Variants in TIPRL observed in about 807,000 individuals in gnomAD.
TIPRL encodes TOR signaling pathway regulator, also known as TIP41-like protein.
A neutral mutation model predicts 32.3 loss-of-function variants in TIPRL; 10 were observed. The observed-to-expected ratio is 0.31, with a 90% CI of 0.19 to 0.52. The LOEUF (loss-of-function observed/expected upper bound fraction) is 0.52. Ranked by LOEUF, TIPRL falls within the 20% of genes least tolerant of loss-of-function variation. The pLI, the probability that TIPRL is intolerant of heterozygous loss-of-function variation, is 0.96. For missense variants in TIPRL, 250 were observed against 328.1 expected (o/e 0.76, Z 1.84); for synonymous variants, 100 against 114.0 (o/e 0.88, Z 0.78).
intron 3 of TIPRL, among the ~76,000 whole-genome samples, chr1:168,186,155 T>C (rs1378889569): frequency 1.3e-5 from 2 of 150,626 alleles, no homozygotes; most frequent in Admixed American, 6.6e-5. Context: ...GTAGGTCTTA[T>C]ATTGTGAAGT....
At chr1:168,185,531 G>C (rs1700014926) in intron 3 of TIPRL, among the ~76,000 whole-genome samples, 1 of 151,914 alleles carries the variant, frequency 6.6e-6, no homozygotes, top group Admixed American at 6.6e-5. Context: ...CCAGCACTTT[G>C]AGAGGCCGAG....
rs1213246893 is a variant in TIPRL at position 168,179,010 on chromosome 1, G to A, written c.-68G>A. 2.1e-5 allele frequency: 30 copies of A among 1,405,750 alleles called. No individual in the cohort carries two copies. Among genetic ancestry groups the A allele is most frequent in the African/African-American group, 5.7e-5 (4 of 70,366 alleles). The allele number at this position is 1,405,750 out of a possible 1,614,324, so 87.1% of individuals were successfully genotyped here. On this transcript the variant is annotated 5_prime_UTR_variant, in exon 1 of 7. Coordinates refer to ENST00000367833, the MANE Select transcript of TIPRL (RefSeq NM_152902.5). Reference sequence around the variant, plus strand: ...GAGGCTGGGCCGGAGGGAGGCGGAGGAACCGGTGTTCGCCGCCGCCGCTGC... The same window carrying A: ...GAGGCTGGGCCGGAGGGAGGCGGAGAAACCGGTGTTCGCCGCCGCCGCTGC...
At chr1:168,181,739 C>T (rs1383229264) in intron 1 of TIPRL, among the ~76,000 whole-genome samples, 1 of 151,710 alleles carries the variant, frequency 6.6e-6, no homozygotes, top group Non-Finnish European at 1.5e-5. Flanking sequence ...TCCATATCTA[C>T]GATCTCCTTA....
At chr1:168,183,376 GA>G (rs1699990092) in intron 1 of TIPRL, among the ~76,000 whole-genome samples, 2 of 84,708 alleles carry the variant, frequency 2.4e-5, no homozygotes, top group African/African-American at 8.3e-5. Flanking sequence ...AAATTCCTGT[GA>G]TTTTTTTTTT....
At chr1:168,194,223 C>T (rs1481253661) in intron 4 of TIPRL, among the ~76,000 whole-genome samples, 1 of 152,110 alleles carries the variant, frequency 6.6e-6, no homozygotes, top group Non-Finnish European at 1.5e-5. Flanking sequence ...TAAGATACTG[C>T]AAGTTTTGTG....
chr1:168,179,806 A>G (rs958927476), intron 1 of TIPRL, among the ~76,000 whole-genome samples: 1 of 151,984 alleles, frequency 6.6e-6, no homozygotes, highest in Non-Finnish European at 1.5e-5. Context: ...AGGCAGAGTG[A>G]GTTGTGATGC....
intron 6 of TIPRL, 147 bp downstream of exon 6, chr1:168,199,128 G>A (rs536039419): frequency 6.7e-6 from 4 of 593,130 alleles, no homozygotes; most frequent in Non-Finnish European, 9.0e-6. Context: ...AAATTCTATG[G>A]GAGCATAACT....
chr1:168,179,440 C>A (rs1394664002), intron 1 of TIPRL, among the ~76,000 whole-genome samples: 1 of 152,082 alleles, frequency 6.6e-6, no homozygotes, highest in Non-Finnish European at 1.5e-5. Context: ...GTGGACTTTC[C>A]CCTCACCAAA....
In TIPRL at chr1:168,178,994, C is replaced by T. The variant is rs572777493; in HGVS notation, c.-84C>T. ...CGGCTCGGAAGCCTAGGAGGCTGGG[C>T]CGGAGGGAGGCGGAGGAACCGGTGT... On this transcript the variant is annotated 5_prime_UTR_variant, in exon 1 of 7. Coordinates refer to ENST00000367833, the MANE Select transcript of TIPRL (RefSeq NM_152902.5). 62 of 1,266,698 alleles carry T rather than the reference C, an allele frequency of 4.9e-5. No homozygotes were observed. The African/African-American group carries it at 7.7e-4, about 16-fold the overall frequency. The allele number at this position is 1,266,698 out of a possible 1,614,324, so 78.5% of individuals were successfully genotyped here.
Position 168,179,043 on chromosome 1 carries a change from T to C in TIPRL, c.-35T>C. 1 of 1,592,570 alleles carries C rather than the reference T, an allele frequency of 6.3e-7. No individual in the cohort carries two copies. Among genetic ancestry groups the C allele is most frequent in the Non-Finnish European group, 8.6e-7 (1 of 1,162,560 alleles). The stretch of plus-strand genomic sequence containing the variant: ...GTTCGCCGCCGCCGCTGCTTCAGCT[T>C]ATTCCTTGTGGCCTCTGCGGGTCCT... On this transcript the variant is annotated 5_prime_UTR_variant, in exon 1 of 7. Coordinates refer to ENST00000367833, the MANE Select transcript of TIPRL (RefSeq NM_152902.5).
At chr1:168,179,248 A>T in intron 1 of TIPRL, 67 bp downstream of exon 1, 3 of 1,411,552 alleles carry the variant, frequency 2.1e-6, no homozygotes, top group Non-Finnish European at 3.0e-6. Context: ...GGCAGGGCGA[A>T]CTCTGTGCAG....
Position 168,198,940 on chromosome 1 carries a change from C to T in TIPRL, c.634C>T (p.Arg212Ter), listed in dbSNP as rs1700183570. The T allele has an allele frequency of 2.5e-6, 4 of 1,612,042 alleles. No homozygotes were observed. The highest frequency in any genetic ancestry group is 1.7e-6 in the Non-Finnish European group (2 of 1,178,858). Residue 212 changes from arginine to a stop codon, truncating the protein, a stop_gained, in exon 6 of 7, where the codon CGA becomes TGA. Coordinates refer to ENST00000367833, the MANE Select transcript of TIPRL (RefSeq NM_152902.5). LOFTEE classifies it high-confidence loss of function. ...ACAGGCTGACAAGACCTACATGTTACGAGAATATACGTCACGAGAAAGCAA... is the reference window on the plus strand; with the variant it reads ...ACAGGCTGACAAGACCTACATGTTATGAGAATATACGTCACGAGAAAGCAA... ...YHEADKTYMLREYTSRESKIS... is the reference protein window; with the variant it reads ...YHEADKTYML
In TIPRL at chr1:168,200,032, AC is replaced by A. The variant is rs752990732; in HGVS notation, c.806del (p.Thr269AsnfsTer7). On this transcript the variant is annotated frameshift_variant, in exon 7 of 7. Transcript: ENST00000367833. LOFTEE classifies it high-confidence loss of function. The part of the protein sequence containing the change: ...DPNPADSQKS[T>X]QVE Reference sequence around the variant, plus strand: ...TAACCCAGCAGACTCACAAAAAAGTACACAAGTGGAATAAAATGTGATACAA... The same window carrying A: ...TAACCCAGCAGACTCACAAAAAAGTAACAAGTGGAATAAAATGTGATACAA... 5 of 1,613,328 alleles carry A rather than the reference AC, an allele frequency of 3.1e-6. No individual in the cohort carries two copies. In the Admixed American group the frequency reaches 8.3e-5, roughly 27 times the overall value.
At position 168,200,105 on chromosome 1, in the gene TIPRL, G is replaced by A. The variant is rs1020016560; in HGVS notation, c.*59G>A. 1 of 1,543,450 alleles carries A rather than the reference G, an allele frequency of 6.5e-7. No individual in the cohort carries two copies. Among genetic ancestry groups the A allele is most frequent in the Non-Finnish European group, 8.8e-7 (1 of 1,141,678 alleles). On this transcript the variant is annotated 3_prime_UTR_variant, in exon 7 of 7. Transcript: ENST00000367833. ...GACTGGACACCTTGGCTATTTGTAA[G>A]GGGTTATTTTTATTATGAGAATTAA...
chr1:168,179,202 G>A (rs1452441261), intron 1 of TIPRL, 21 bp downstream of exon 1: 4 of 1,611,510 alleles, frequency 2.5e-6, no homozygotes, highest in Non-Finnish European at 2.5e-6. Flanking sequence ...GGGGCACGGG[G>A]TCTGGGCGCT....
intron 1 of TIPRL, among the ~76,000 whole-genome samples, chr1:168,182,742 A>ACTGC (rs1184557894): frequency 1.3e-5 from 2 of 152,236 alleles, no homozygotes; most frequent in Non-Finnish European, 2.9e-5. Flanking sequence ...ATTTTATAGG[A>ACTGC]CTGCCACATT....
intron 3 of TIPRL, among the ~76,000 whole-genome samples, chr1:168,188,744 C>T (rs774912825): frequency 2.6e-5 from 4 of 152,054 alleles, no homozygotes; most frequent in African/African-American, 9.6e-5. Context: ...TTTAGGAGGC[C>T]GAGGCAGGCG....
chr1:168,187,408 T>G (rs1280610953), intron 3 of TIPRL, among the ~76,000 whole-genome samples: 5 of 152,136 alleles, frequency 3.3e-5, no homozygotes, highest in African/African-American at 9.7e-5. Flanking sequence ...AAACAAGGAG[T>G]GTGAGAGTAG....
At chr1:168,182,898 A>G (rs1699984837) in intron 1 of TIPRL, among the ~76,000 whole-genome samples, 1 of 152,208 alleles carries the variant, frequency 6.6e-6, no homozygotes, top group South Asian at 2.1e-4. Context: ...TAAGTATTTA[A>G]TATTTTCTAT....
Sources: gnomAD v4.1 joint callset for allele counts (sites outside exome capture counted in the v4.1 genomes callset) on GRCh38, gnomAD v4.1.1 for gene constraint, MANE v1.5 for transcripts, NCBI Gene and HGNC (gene_info 2026-07-23, HGNC 2026-07-21) for gene names.